TCERG1: variants seen among roughly 807,000 people sequenced by gnomAD.
TCERG1 encodes the protein TATA box binding protein (TBP)-associated factor, RNA polymerase II, S, 150kD.
In TCERG1, 37 loss-of-function variants were observed where a neutral mutation model predicts 144.7. The observed-to-expected ratio is 0.26, with a 90% confidence interval of 0.20 to 0.34. TCERG1 has a LOEUF of 0.34. Ranked by LOEUF, TCERG1 falls within the 10% of genes least tolerant of loss-of-function variation. The probability of loss-of-function intolerance (pLI) is 1.00; values close to 1 mark genes in which losing one functional copy is unlikely to be tolerated. For synonymous variants in TCERG1, 492 were observed against 458.2 expected, an observed-to-expected ratio of 1.07 and a Z score of -0.94; for missense variants, 1,027 against 1,380.7, an observed-to-expected ratio of 0.74 and a Z score of 4.06.
In TCERG1 at chr5:146,469,656, A is replaced by C. The variant is rs191593593; in HGVS notation, c.1311A>C (p.Glu437Asp). 1 of 1,613,512 alleles carries C rather than the reference A, an allele frequency of 6.2e-7. No individual in the cohort carries two copies. Among genetic ancestry groups the C allele is most frequent in the African/African-American group, 1.3e-5 (1 of 75,044 alleles). ...AGATAVSEWT[E>D]YKTADGKTYY... ...CAACAGCAGTTTCTGAATGGACTGA[A>C]TATAAAACAGCAGATGGGAAGACAT... Residue 437 changes from glutamate to aspartate, a missense_variant, in exon 7 of 23, where the codon GAA becomes GAC. By Grantham distance (45) the Glu-to-Asp change is conservative. Transcript: ENST00000679501.
Position 146,447,417 on chromosome 5 carries a change from C to T in TCERG1, c.59+9C>T, listed in dbSNP as rs777284653. The T allele has an allele frequency of 3.1e-6, 5 of 1,610,336 alleles. No individual in the cohort carries two copies. Among genetic ancestry groups the T allele is most frequent in the Non-Finnish European group, 4.2e-6 (5 of 1,178,540 alleles). The stretch of plus-strand genomic sequence containing the variant: ...AACCCGGGGGAGCTCAGGTAAGGAA[C>T]GCTGCCCTCCTTCACATCTCTGCTC... On this transcript the variant is annotated intron_variant, in intron 1 of 22. Coordinates refer to ENST00000679501, the MANE Select transcript of TCERG1 (RefSeq NM_001382548.1).
chr5:146,474,706 A>G (rs1764671466), intron 9 of TCERG1, among the ~76,000 whole-genome samples: 1 of 152,204 alleles, frequency 6.6e-6, no homozygotes, highest in Non-Finnish European at 1.5e-5. Flanking sequence ...TCAGCCATCA[A>G]GAGATTGAGG....
intron 1 of TCERG1, among the ~76,000 whole-genome samples, chr5:146,448,463 T>G (rs1762085603): frequency 6.6e-6 from 1 of 152,226 alleles, no homozygotes; most frequent in Admixed American, 6.5e-5. Context: ...TTTGGTACTT[T>G]GGTTTTTTTC....
chr5:146,467,899 C>T (rs1763930011), intron 5 of TCERG1, among the ~76,000 whole-genome samples: 1 of 152,202 alleles, frequency 6.6e-6, no homozygotes, highest in South Asian at 2.1e-4. Flanking sequence ...CTCCATGCCT[C>T]AGCTCCTGCA....
Position 146,451,094 on chromosome 5 carries a change from A to G in TCERG1, c.59+3686A>G, listed in dbSNP as rs185743794. The stretch of plus-strand genomic sequence containing the variant: ...ACCAGGAAGTATGAAATTGTACAGA[A>G]ATGAATACTGTAGACTTTTTGAAAA... On this transcript the variant is annotated intron_variant, in intron 1 of 22. Transcript: ENST00000679501. Among the ~76,000 whole-genome samples the G allele has an allele frequency of 2.0e-5, 3 of 152,328 alleles. No homozygotes were observed. In the East Asian group the frequency reaches 5.8e-4, roughly 29 times the overall value.
At chr5:146,454,525 A>C (rs1044171486) in intron 1 of TCERG1, among the ~76,000 whole-genome samples, 1 of 151,860 alleles carries the variant, frequency 6.6e-6, no homozygotes, top group East Asian at 1.9e-4. Flanking sequence ...TAGACTCGGC[A>C]TCCATTGATC....
rs1482100222 is a variant in TCERG1, at chr5:146,471,470, T to C, written c.1513-18T>C. 2 of 1,606,298 alleles carry C rather than the reference T, an allele frequency of 1.2e-6. No homozygotes were observed. Among genetic ancestry groups the C allele is most frequent in the African/African-American group, 2.7e-5 (2 of 74,364 alleles). Reference sequence around the variant, plus strand: ...ATTGTTAATGTGATACTAATTAGAGTAATATCATTTCTTGTAGGAGCCCAA... The same window carrying C: ...ATTGTTAATGTGATACTAATTAGAGCAATATCATTTCTTGTAGGAGCCCAA... On this transcript the variant is annotated intron_variant, in intron 8 of 22. Coordinates refer to ENST00000679501, the MANE Select transcript of TCERG1 (RefSeq NM_001382548.1).
chr5:146,461,912 AT>A (rs1193155672), intron 4 of TCERG1: 1 of 152,568 alleles, frequency 6.6e-6, no homozygotes, highest in Non-Finnish European at 1.5e-5. Flanking sequence ...AGTATAGTAG[AT>A]TACAAATGCT....
At chr5:146,498,477 A>G (rs1767139999) in intron 16 of TCERG1, 59 bp from the exon 17 acceptor site, 2 of 1,523,668 alleles carry the variant, frequency 1.3e-6, no homozygotes, top group African/African-American at 2.8e-5. Flanking sequence ...ATCTTCTGCT[A>G]TGCCTTTATA....
chr5:146,487,095 A>AG (rs1369987362), intron 15 of TCERG1, among the ~76,000 whole-genome samples: 1 of 152,064 alleles, frequency 6.6e-6, no homozygotes, highest in African/African-American at 2.4e-5. Context: ...CTCAAAAAAA[A>AG]AGAACTGCTA....
chr5:146,471,367 C>T (rs1294846856), intron 8 of TCERG1, 121 bp from the exon 9 acceptor site: 1 of 823,278 alleles, frequency 1.2e-6, no homozygotes. Flanking sequence ...CTCAGAGTCT[C>T]CTCTTATTCT....
At chr5:146,453,254 A>G (rs530897114) in intron 1 of TCERG1, among the ~76,000 whole-genome samples, 3 of 152,266 alleles carry the variant, frequency 2.0e-5, no homozygotes, top group East Asian at 3.9e-4. Flanking sequence ...GAGACTACTA[A>G]TGATCTGCCA....
chr5:146,475,979 T>G (rs973137493), intron 9 of TCERG1, among the ~76,000 whole-genome samples: 1 of 152,230 alleles, frequency 6.6e-6, no homozygotes, highest in Non-Finnish European at 1.5e-5. Context: ...TCATCTTTGG[T>G]CAGGAGAAGC....
chr5:146,478,590 G>A lies in TCERG1; in HGVS notation c.1699G>A (p.Asp567Asn), dbSNP rs772511320. 3.5e-5 allele frequency: 57 copies of A among 1,611,332 alleles called. No homozygotes were observed. Among genetic ancestry groups the A allele is most frequent in the Non-Finnish European group, 8.5e-7 (1 of 1,179,228 alleles). ...DRPDDLIGRA[D>N]VDKIIQEPPH... ...ACCTGATGATCTGATTGGCAGGGCA[G>A]ATGTTGACAAAATTATTCAGGAGCC... Residue 567 changes from aspartate to asparagine, a missense_variant, in exon 10 of 23, where the codon GAT (aspartate) becomes AAT (asparagine). Physicochemically the swap from Asp to Asn is conservative, Grantham distance 23. Transcript: ENST00000679501.
At chr5:146,500,206 A>G (rs1171206356) in intron 17 of TCERG1, among the ~76,000 whole-genome samples, 3 of 152,012 alleles carry the variant, frequency 2.0e-5, no homozygotes, top group Non-Finnish European at 4.4e-5. Context: ...GCTAAAGTGA[A>G]GCTTTCTCAG....
chr5:146,480,227 T>A, intron 12 of TCERG1, 133 bp downstream of exon 12: 1 of 538,664 alleles, frequency 1.9e-6, no homozygotes, highest in Non-Finnish European at 3.2e-6. Flanking sequence ...GGCCTGATAA[T>A]AAATAGCTTT....
At chr5:146,506,394 A>G (rs924810717) in intron 19 of TCERG1, among the ~76,000 whole-genome samples, 1 of 152,172 alleles carries the variant, frequency 6.6e-6, no homozygotes, top group Non-Finnish European at 1.5e-5. Flanking sequence ...TTGAGAAGTC[A>G]TAATTGTATA....
At chr5:146,497,384 T>C (rs1767023911) in intron 16 of TCERG1, among the ~76,000 whole-genome samples, 1 of 152,194 alleles carries the variant, frequency 6.6e-6, no homozygotes, top group Non-Finnish European at 1.5e-5. Flanking sequence ...TGGCCTCAAA[T>C]GATCCTCCTA....
chr5:146,471,527 G>A lies in TCERG1; in HGVS notation c.1552G>A (p.Ala518Thr), dbSNP rs1342191443. 6.2e-7 allele frequency: 1 copy of A among 1,613,646 alleles called. No individual in the cohort carries two copies. The highest frequency in any genetic ancestry group is 8.5e-7 in the Non-Finnish European group (1 of 1,179,846). The change falls in exon 9 of 23, where the codon GCC becomes ACC. Residue 518 changes from alanine to threonine, a missense_variant. By Grantham distance (58) the Ala-to-Thr change is moderately conservative. This residue lies in a region of TCERG1 where 482 missense variants were observed against 632.6 expected (regional missense o/e 0.76). Transcript: ENST00000679501. Reference protein sequence around the residue: ...EEEMTEEEKAAQKAKPVATAP... With the variant: ...EEEMTEEEKATQKAKPVATAP... The stretch of plus-strand genomic sequence containing the variant: ...GGAGATGACTGAAGAAGAAAAGGCT[G>A]CCCAGAAGGCAAAGCCAGTTGCTAC...
Sources: gnomAD v4.1 joint callset for allele counts (sites outside exome capture counted in the v4.1 genomes callset) on GRCh38, gnomAD v4.1.1 for gene constraint, gnomAD v4.1.1 regional missense constraint, MANE v1.5 for transcripts, NCBI Gene and HGNC (gene_info 2026-07-23, HGNC 2026-07-21) for gene names.